Variants in N4BP2 observed in about 807,000 individuals in gnomAD.
N4BP2 encodes NEDD4-binding protein 2.
A neutral mutation model predicts 152.8 loss-of-function variants in N4BP2; 91 were observed. That is an observed-to-expected ratio of 0.60 (90% confidence interval 0.50 to 0.71). The LOEUF (loss-of-function observed/expected upper bound fraction) is 0.71, where lower values mean the gene tolerates loss of function less well. Ranked by LOEUF, N4BP2 falls within the 30% of genes least tolerant of loss-of-function variation. The pLI is 0.00. For synonymous variants in N4BP2, 646 were observed against 705.3 expected (o/e 0.92, Z 1.33); for missense variants, 1,923 against 2,059.1 (o/e 0.93, Z 1.28).
At chr4:40,142,363 C>A in intron 14 of N4BP2, 1 of 305,530 alleles carries the variant, frequency 3.3e-6, no homozygotes, top group East Asian at 7.7e-5. Flanking sequence ...GTTTTACCTC[C>A]ATTTTGAGAC....
At position 40,120,162 on chromosome 4, in the gene N4BP2, A is replaced by G. The variant is rs1418778626; in HGVS notation, c.2051A>G (p.Tyr684Cys). ...TTAATTCTGGAAACTCCACACATGTATTTTTCTGACTCTGAAAGCAAACTA... is the reference window on the plus strand; with the variant it reads ...TTAATTCTGGAAACTCCACACATGTGTTTTTCTGACTCTGAAAGCAAACTA... ...SALILETPHM[Y>C]FSDSESKLQA... The change falls in exon 9 of 18, where the codon TAT becomes TGT. Residue 684 changes from tyrosine (Y) to cysteine (C), a missense_variant. Physicochemically the swap from Tyr to Cys is radical, Grantham distance 194 (BLOSUM62 -2). Coordinates refer to ENST00000261435, the MANE Select transcript of N4BP2 (RefSeq NM_018177.6). The G allele has an allele frequency of 6.2e-7, 1 of 1,613,296 alleles. No homozygotes were observed. The highest frequency in any genetic ancestry group is 8.5e-7 in the Non-Finnish European group (1 of 1,179,820).
chr4:40,098,432 C>G lies in N4BP2; in HGVS notation c.229+863C>G, dbSNP rs544213369. On this transcript the variant is annotated intron_variant, in intron 3 of 17. Transcript: ENST00000261435. The stretch of plus-strand genomic sequence containing the variant: ...GTATGGTAGGTTATTAATAACTTGT[C>G]ATACATTGTTTAGAAGTATGTAGAC... Among the ~76,000 whole-genome samples, 5 of 152,190 alleles carry G rather than the reference C, an allele frequency of 3.3e-5. No homozygotes were observed. In the South Asian group the frequency reaches 1.0e-3, roughly 32 times the overall value.
the N4BP2 span, among the ~76,000 whole-genome samples, chr4:40,176,270 C>T: frequency 6.6e-6 from 1 of 151,982 alleles, no homozygotes; most frequent in African/African-American, 2.4e-5. Context: ...AAAGTTAAAC[C>T]ATCTTTTCTG....
chr4:40,146,246 A>G (rs1720508818), intron 16 of N4BP2, among the ~76,000 whole-genome samples: 1 of 152,182 alleles, frequency 6.6e-6, no homozygotes, highest in South Asian at 2.1e-4. Context: ...TAAAATCCCT[A>G]CATAATATCT....
intron 3 of N4BP2, among the ~76,000 whole-genome samples, chr4:40,100,816 T>C (rs1392921641): frequency 2.0e-5 from 3 of 152,212 alleles, no homozygotes; most frequent in Admixed American, 2.0e-4. Flanking sequence ...TCTTCATCTG[T>C]TTGCTAGGAA....
intron 2 of N4BP2, among the ~76,000 whole-genome samples, chr4:40,077,116 C>T (rs1225158278): frequency 6.6e-6 from 1 of 151,166 alleles, no homozygotes; most frequent in Non-Finnish European, 1.5e-5. Flanking sequence ...TCTAGTTGGT[C>T]GATATTGAAT....
intron 4 of N4BP2, among the ~76,000 whole-genome samples, chr4:40,104,440 G>C (rs1297893573): frequency 6.6e-6 from 1 of 151,412 alleles, no homozygotes. Flanking sequence ...TTCTGTGTCT[G>C]GGTTTCTCTG....
Position 40,102,283 on chromosome 4 carries a change from A to G in N4BP2, c.438A>G (p.Ile146Met). 1 of 1,613,266 alleles carries G rather than the reference A, an allele frequency of 6.2e-7. No individual in the cohort carries two copies. Among genetic ancestry groups the G allele is most frequent in the Middle Eastern group, 1.7e-4 (1 of 6,048 alleles). ...TAACTGAAGACCTGGATTCCTTAAT[A>G]CAGAATGCTTTTGAGAAATTGAACT... ...MQLTEDLDSLIQNAFEKLNSS... is the reference protein window; with the variant it reads ...MQLTEDLDSLMQNAFEKLNSS... Residue 146 changes from isoleucine (I) to methionine (M), a missense_variant, in exon 4 of 18, where the codon ATA (isoleucine) becomes ATG (methionine). By Grantham distance (10) the Ile-to-Met change is conservative. Transcript: ENST00000261435.
At chr4:40,171,944 C>A in the N4BP2 span, among the ~76,000 whole-genome samples, 1 of 152,150 alleles carries the variant, frequency 6.6e-6, no homozygotes, top group African/African-American at 2.4e-5. Flanking sequence ...CTCACTCTGT[C>A]GCTCAGGCTG....
At chr4:40,167,144 AG>A in the N4BP2 span, 3 of 152,232 alleles carry the variant, frequency 2.0e-5, no homozygotes, top group East Asian at 1.9e-4. Context: ...TGATATTATC[AG>A]GAAAAGCATT....
At chr4:40,109,926 C>T (rs1397883747) in intron 5 of N4BP2, among the ~76,000 whole-genome samples, 1 of 152,140 alleles carries the variant, frequency 6.6e-6, no homozygotes, top group Non-Finnish European at 1.5e-5. Flanking sequence ...TTTAATTTGG[C>T]TTTGCTGCAA....
At chr4:40,084,878 G>A (rs962996926) in intron 2 of N4BP2, among the ~76,000 whole-genome samples, 1 of 149,760 alleles carries the variant, frequency 6.7e-6, no homozygotes, top group Non-Finnish European at 1.5e-5. Context: ...GCCTCCCAAA[G>A]TGCTGGGGTT....
the N4BP2 span, among the ~76,000 whole-genome samples, chr4:40,185,609 TG>T: frequency 6.6e-6 from 1 of 152,082 alleles, no homozygotes; most frequent in African/African-American, 2.4e-5. Context: ...ACTTATTATT[TG>T]GAAAAAAACA....
chr4:40,120,085 A>C lies in N4BP2; in HGVS notation c.1974A>C (p.Leu658Phe). The change falls in exon 9 of 18, where the codon TTA becomes TTC. Residue 658 changes from leucine to phenylalanine, a missense_variant. Coordinates refer to ENST00000261435, the MANE Select transcript of N4BP2 (RefSeq NM_018177.6). ...ENVAYLSNAD[L>F]NKRRKEISDM... ...TTGCATATCTCTCTAATGCAGATTT[A>C]AACAAAAGAAGAAAAGAAATAAGTG... 1.2e-6 allele frequency: 2 copies of C among 1,612,336 alleles called. No individual in the cohort carries two copies. Among genetic ancestry groups the C allele is most frequent in the Non-Finnish European group, 1.7e-6 (2 of 1,179,262 alleles).
At chr4:40,116,201 T>C (rs1717320117) in intron 7 of N4BP2, among the ~76,000 whole-genome samples, 1 of 152,138 alleles carries the variant, frequency 6.6e-6, no homozygotes, top group South Asian at 2.1e-4. Context: ...CTTGTAAGCA[T>C]GATGGCTGGA....
chr4:40,137,621 G>A (rs1486587204), intron 14 of N4BP2, among the ~76,000 whole-genome samples: 3 of 152,142 alleles, frequency 2.0e-5, no homozygotes, highest in Non-Finnish European at 4.4e-5. Context: ...GTGCAGACAT[G>A]GAAGTGTCGT....
chr4:40,175,231 C>T, the N4BP2 span, among the ~76,000 whole-genome samples: 664 of 150,294 alleles, frequency 4.4e-3, 4 homozygotes, highest in African/African-American at 0.016. Flanking sequence ...GTGTGTTACC[C>T]ATGTTACCCA....
At chr4:40,063,990 G>A (rs987228124) in intron 1 of N4BP2, among the ~76,000 whole-genome samples, 12 of 151,756 alleles carry the variant, frequency 7.9e-5, no homozygotes, top group African/African-American at 2.9e-4. Flanking sequence ...GCAGGGGGGG[G>A]TCTCACTATG....
intron 4 of N4BP2, among the ~76,000 whole-genome samples, chr4:40,104,023 C>T (rs529804393): frequency 2.0e-5 from 3 of 152,024 alleles, no homozygotes; most frequent in East Asian, 1.9e-4. Context: ...GGCGCGATCT[C>T]GGCTCACTGC....
Sources: allele counts gnomAD v4.1 joint callset (sites outside exome capture counted in the v4.1 genomes callset), GRCh38; gene constraint gnomAD v4.1.1; transcripts MANE v1.5; gene names NCBI Gene and HGNC (gene_info 2026-07-23, HGNC 2026-07-21).